The following DNAH12 variants were observed in gnomAD, a reference collection of about 807,000 sequenced individuals.
DNAH12 encodes dynein axonemal heavy chain 12.
A neutral mutation model predicts 371.5 loss-of-function variants in DNAH12; 285 were observed. The ratio of observed to expected loss-of-function variants is 0.77; its 90% CI spans 0.70 to 0.85. DNAH12 has a LOEUF of 0.85. Ranked by LOEUF, DNAH12 falls within the 40% of genes least tolerant of loss-of-function variation. The probability of loss-of-function intolerance (pLI) is 0.00; values close to 1 mark genes in which losing one functional copy is unlikely to be tolerated. For missense variants in DNAH12, 3,611 were observed against 3,689.4 expected (o/e 0.98, Z 0.55); for synonymous variants, 1,200 against 1,213.0 (o/e 0.99, Z 0.22).
chr3:57,400,882 A>G (rs1056907303), intron 43 of DNAH12, among the ~76,000 whole-genome samples: 6 of 152,336 alleles, frequency 3.9e-5, no homozygotes, highest in African/African-American at 1.4e-4. Context: ...GATATTTACC[A>G]AACACTCCAT....
intron 14 of DNAH12, 89 bp downstream of exon 14, chr3:57,472,457 G>GT: frequency 6.8e-7 from 1 of 1,461,734 alleles, no homozygotes; most frequent in Non-Finnish European, 9.2e-7. Flanking sequence ...TACTTTTAAA[G>GT]TTAGATGGCC....
chr3:57,444,103 A>C (rs2065398668), intron 29 of DNAH12, among the ~76,000 whole-genome samples: 1 of 151,952 alleles, frequency 6.6e-6, no homozygotes, highest in Non-Finnish European at 1.5e-5. Flanking sequence ...TGGGAGGCTG[A>C]GGCAGGAGAA....
At chr3:57,478,200 T>C (rs1232055626) in intron 13 of DNAH12, among the ~76,000 whole-genome samples, 4 of 152,016 alleles carry the variant, frequency 2.6e-5, no homozygotes, top group Non-Finnish European at 5.9e-5. Context: ...AATGGCTAAC[T>C]AGAATAACCA....
chr3:57,530,560 T>G, intron 2 of DNAH12: 1 of 682,552 alleles, frequency 1.5e-6, no homozygotes, highest in Non-Finnish European at 2.7e-6. Context: ...TGTTTTTTGT[T>G]TAAAATCTCT....
At position 57,445,079 on chromosome 3, in the gene DNAH12, C is replaced by A. The variant is rs557100571; in HGVS notation, c.4425+95G>T. ...CCTCTTATGAAAAGACAAAGCTCAA[C>A]CCTCTCAAGTGCCTATTTGTAGTTC... is the stretch of plus-strand genomic sequence containing the variant. On this transcript the variant is annotated intron_variant, in intron 28 of 73. Coordinates refer to ENST00000495027, the MANE Select transcript of DNAH12 (RefSeq NM_001366028.2). 111 of 1,349,728 alleles carry A rather than the reference C, an allele frequency of 8.2e-5. No individual in the cohort carries two copies. The African/African-American group carries it at 1.6e-3, about 19-fold the overall frequency. The allele number at this position is 1,349,728 out of a possible 1,614,324, so 83.6% of individuals were successfully genotyped here. A position where few individuals can be genotyped will look rare whatever the true frequency, so the allele number is the denominator to read the frequency against.
intron 43 of DNAH12, among the ~76,000 whole-genome samples, chr3:57,401,712 G>C (rs2063872410): frequency 6.6e-6 from 1 of 151,598 alleles, no homozygotes; most frequent in African/African-American, 2.4e-5. Flanking sequence ...GATTAGAGTG[G>C]AGATGAATGA....
intron 13 of DNAH12, among the ~76,000 whole-genome samples, chr3:57,482,432 G>C (rs1470227849): frequency 6.6e-6 from 1 of 151,370 alleles, no homozygotes; most frequent in Non-Finnish European, 1.5e-5. Context: ...ACAGGTGCTG[G>C]AGAGGATGTG....
At chr3:57,380,590 G>C (rs899859223) in intron 50 of DNAH12, among the ~76,000 whole-genome samples, 12 of 152,118 alleles carry the variant, frequency 7.9e-5, no homozygotes, top group East Asian at 3.9e-4. Context: ...TCAGCCTCCC[G>C]AGTAGCTGAG....
intron 2 of DNAH12, among the ~76,000 whole-genome samples, chr3:57,535,930 G>A (rs1045522264): frequency 2.0e-5 from 3 of 151,068 alleles, no homozygotes; most frequent in African/African-American, 2.4e-5. Flanking sequence ...TCGGCCTCCC[G>A]GGTTCAAGTG....
At chr3:57,353,318 G>A (rs1354807368) in intron 59 of DNAH12, among the ~76,000 whole-genome samples, 2 of 151,038 alleles carry the variant, frequency 1.3e-5, no homozygotes, top group Admixed American at 1.3e-4. Context: ...TTGGAGACAG[G>A]GTCTCACCCT....
At chr3:57,344,345 T>C (rs782695635) in intron 60 of DNAH12, among the ~76,000 whole-genome samples, 7 of 152,170 alleles carry the variant, frequency 4.6e-5, no homozygotes, top group Non-Finnish European at 1.5e-5. Context: ...GTTGGTAGGA[T>C]TGTAAACTAG....
At position 57,310,704 on chromosome 3, in the gene DNAH12, G is replaced by T. The variant is rs756606736; in HGVS notation, c.10896+13C>A. 3 of 1,513,938 alleles carry T rather than the reference G, an allele frequency of 2.0e-6. No individual in the cohort carries two copies. Among genetic ancestry groups the T allele is most frequent in the Non-Finnish European group, 2.7e-6 (3 of 1,115,578 alleles). 93.8% of individuals were successfully genotyped at this position (1,513,938 alleles called of 1,614,324 possible). On this transcript the variant is annotated intron_variant, in intron 67 of 73. Transcript: ENST00000495027. ...ACACATTAATCTAACCTTATTTTTG[G>T]TGACATCATTACCTTAATGAATTCA... is the stretch of plus-strand genomic sequence containing the variant.
In DNAH12 at chr3:57,450,149, G is replaced by T. The variant is rs551322413; in HGVS notation, c.3786+2694C>A. 5.9e-5 allele frequency among the ~76,000 whole-genome samples: 9 copies of T among 151,788 alleles called. No homozygotes were observed. The East Asian group carries it at 1.7e-3, about 29-fold the overall frequency. ...TGTAATCCCAGCTATTTGGGAGGCT[G>T]AGGCAGGAGAATCACTTGAACCTGG... On this transcript the variant is annotated intron_variant, in intron 25 of 73. Coordinates refer to ENST00000495027, the MANE Select transcript of DNAH12 (RefSeq NM_001366028.2).
intron 20 of DNAH12, among the ~76,000 whole-genome samples, chr3:57,458,647 T>C (rs1419401693): frequency 2.0e-5 from 3 of 152,234 alleles, no homozygotes; most frequent in Non-Finnish European, 4.4e-5. Context: ...AGCTAAAAAT[T>C]ATTTTCACAC....
chr3:57,315,931 G>T (rs917986965), intron 65 of DNAH12, among the ~76,000 whole-genome samples: 3 of 152,102 alleles, frequency 2.0e-5, no homozygotes, highest in Non-Finnish European at 4.4e-5. Context: ...GAGATAAGGT[G>T]CTGTAGCCTA....
chr3:57,330,079 A>T (rs1033924288), intron 62 of DNAH12, among the ~76,000 whole-genome samples: 17 of 151,842 alleles, frequency 1.1e-4, no homozygotes, highest in African/African-American at 4.1e-4. Context: ...GCTGGAGAGG[A>T]TGTGGAGAAA....
chr3:57,555,149 C>A, the DNAH12 span, among the ~76,000 whole-genome samples: 1 of 151,976 alleles, frequency 6.6e-6, no homozygotes, highest in Non-Finnish European at 1.5e-5. Context: ...GAGGCTGAGG[C>A]ACGAGAATCG....
intron 2 of DNAH12, 89 bp downstream of exon 2, chr3:57,542,612 C>A: frequency 2.8e-6 from 4 of 1,407,512 alleles, no homozygotes; most frequent in Non-Finnish European, 3.8e-6. Flanking sequence ...CATGAACAAC[C>A]TCCACAGTTA....
intron 4 of DNAH12, among the ~76,000 whole-genome samples, chr3:57,523,173 A>G (rs1053042121): frequency 6.6e-6 from 1 of 152,130 alleles, no homozygotes; most frequent in African/African-American, 2.4e-5. Flanking sequence ...ACTTGAGTCC[A>G]GGAGTTCAAG....
Sources: gnomAD v4.1 joint callset for allele counts (sites outside exome capture counted in the v4.1 genomes callset) on GRCh38, gnomAD v4.1.1 for gene constraint, MANE v1.5 for transcripts, NCBI Gene and HGNC (gene_info 2026-07-23, HGNC 2026-07-21) for gene names.